The following TBC1D2B variants were observed in gnomAD, a reference collection of about 807,000 sequenced individuals.
TBC1D2B encodes the protein TBC1 domain family member 2B.
In TBC1D2B, 64 loss-of-function variants were observed where a neutral mutation model predicts 100.8. The observed-to-expected ratio is 0.64, with a 90% CI of 0.52 to 0.78. TBC1D2B has a LOEUF of 0.78. TBC1D2B is among the 30% of genes least tolerant of loss of function. The pLI, the probability that TBC1D2B is intolerant of heterozygous loss-of-function variation, is 0.00. For missense variants in TBC1D2B, 1,052 were observed against 1,218.4 expected (o/e 0.86, Z 2.03); for synonymous variants, 480 against 479.7 (o/e 1.00, Z -0.01).
chr15:78,011,898 C>T (rs553703901), intron 9 of TBC1D2B, among the ~76,000 whole-genome samples: 4 of 152,152 alleles, frequency 2.6e-5, no homozygotes, highest in East Asian at 1.9e-4. Context: ...CCGCCTGCCT[C>T]GACCTCCCAA....
chr15:78,058,595 C>T (rs1424018399), intron 1 of TBC1D2B, among the ~76,000 whole-genome samples: 3 of 152,188 alleles, frequency 2.0e-5, no homozygotes, highest in Non-Finnish European at 4.4e-5. Context: ...GAGTTCCCTC[C>T]GCTGAGCCTC....
At chr15:78,013,439 G>A in intron 8 of TBC1D2B, 122 bp from the exon 9 acceptor site, 1 of 939,802 alleles carries the variant, frequency 1.1e-6, no homozygotes. Flanking sequence ...ACTATGAGAA[G>A]CATTTCAAAT....
chr15:78,025,230 G>A, intron 5 of TBC1D2B, 29 bp downstream of exon 5: 1 of 1,597,466 alleles, frequency 6.3e-7, no homozygotes, highest in Non-Finnish European at 8.6e-7. Context: ...CTGAGGTGGG[G>A]TAAGACAGAA....
chr15:78,035,128 C>T lies in TBC1D2B; in HGVS notation c.684-4958G>A, dbSNP rs144342824. Reference sequence around the variant, plus strand: ...CAGGTGCCCACCTATAAACACTCAGCTGCTCTGATCTGAAATAGAAAGTGA... The same window carrying T: ...CAGGTGCCCACCTATAAACACTCAGTTGCTCTGATCTGAAATAGAAAGTGA... On this transcript the variant is annotated intron_variant, in intron 3 of 12. Transcript: ENST00000300584. Among the ~76,000 whole-genome samples, 76 of 152,348 alleles carry T rather than the reference C, an allele frequency of 5.0e-4. 2 individuals carry two copies. The highest frequency in any genetic ancestry group is 3.9e-3 in the Admixed American group (59 of 15,308).
intron 1 of TBC1D2B, among the ~76,000 whole-genome samples, chr15:78,076,956 C>T (rs1316078065): frequency 1.3e-5 from 2 of 152,246 alleles, no homozygotes; most frequent in Non-Finnish European, 2.9e-5. Flanking sequence ...GAAGCCTACG[C>T]TCACGGATGC....
intron 1 of TBC1D2B, among the ~76,000 whole-genome samples, chr15:78,076,579 C>A (rs558943854): frequency 8.1e-6 from 1 of 122,912 alleles, no homozygotes; most frequent in South Asian, 2.8e-4. Context: ...ACCCCCGTTT[C>A]TTTAAAAAAA....
chr15:78,057,321 T>C (rs1035518072), intron 1 of TBC1D2B, among the ~76,000 whole-genome samples: 2 of 151,992 alleles, frequency 1.3e-5, no homozygotes, highest in Non-Finnish European at 2.9e-5. Flanking sequence ...AAGACACTGA[T>C]TAACTGGGTT....
chr15:78,040,855 G>GAAGGAAGA (rs71447186), intron 3 of TBC1D2B, among the ~76,000 whole-genome samples: 137 of 74,722 alleles, frequency 1.8e-3, no homozygotes, highest in African/African-American at 4.3e-3. Context: ...AGAAAGAAAG[G>GAAGGAAGA]AAGAAAGAAA....
Position 78,024,257 on chromosome 15 carries a change from G to A in TBC1D2B, c.1369C>T (p.Leu457Phe), listed in dbSNP as rs1344655320. Reference sequence around the variant, plus strand: ...GGCCCGTTGCCCTCGCCCTCGCTGAGCTTGATGATGACCTCGTCCTTGGCT... The same window carrying A: ...GGCCCGTTGCCCTCGCCCTCGCTGAACTTGATGATGACCTCGTCCTTGGCT... The part of the protein sequence containing the change: ...IQAKDEVIIK[L>F]SEGEGNGPPP... Residue 457 changes from leucine to phenylalanine, a missense_variant, in exon 6 of 13, where the codon CTC becomes TTC. Physicochemically the swap from Leu to Phe is conservative, Grantham distance 22. Transcript: ENST00000300584. The A allele has an allele frequency of 4.3e-6, 7 of 1,614,010 alleles. No homozygotes were observed. Among genetic ancestry groups the A allele is most frequent in the Non-Finnish European group, 5.9e-6 (7 of 1,179,904 alleles).
chr15:77,998,330 C>T lies in TBC1D2B; in HGVS notation c.2722G>A (p.Asp908Asn), dbSNP rs772365105. ...TGGCGTAGGGGGAAAGGGTTCAGGT[C>T]CCCAAAGGAGATACTGATCAGCTTC... ...ARKLISISFG[D>N]LNPFPLRQIR... is the part of the protein sequence containing the mutation. The change falls in exon 13 of 13, where the codon GAC becomes AAC. Residue 908 changes from aspartate to asparagine, a missense_variant. Around this residue, in one of 4 missense-constraint regions of TBC1D2B, gnomAD observed 47 missense variants for 88.3 expected, o/e 0.53. Coordinates refer to ENST00000300584, the MANE Select transcript of TBC1D2B (RefSeq NM_144572.2). 1.3e-4 allele frequency: 202 copies of T among 1,594,320 alleles called. No homozygotes were observed. Among genetic ancestry groups the T allele is most frequent in the Non-Finnish European group, 1.7e-4 (201 of 1,171,072 alleles).
chr15:78,009,638 T>C (rs1022640916), intron 9 of TBC1D2B, among the ~76,000 whole-genome samples: 5 of 152,204 alleles, frequency 3.3e-5, no homozygotes, highest in African/African-American at 1.2e-4. Context: ...ATGAAATTGT[T>C]TCCCAATGAT....
intron 2 of TBC1D2B, among the ~76,000 whole-genome samples, chr15:78,050,564 C>T (rs1014808467): frequency 2.6e-5 from 4 of 152,210 alleles, no homozygotes; most frequent in Non-Finnish European, 5.9e-5. Context: ...CTACCTCATT[C>T]TCAACAGCTA....
intron 1 of TBC1D2B, among the ~76,000 whole-genome samples, chr15:78,065,159 G>T (rs2073631662): frequency 6.6e-6 from 1 of 152,092 alleles, no homozygotes; most frequent in Admixed American, 6.6e-5. Flanking sequence ...TAACACTCAA[G>T]CACCCCTTTT....
chr15:78,001,649 C>A lies in TBC1D2B; in HGVS notation c.2666G>T (p.Arg889Leu), dbSNP rs760521035. The change falls in exon 12 of 13, where the codon CGC becomes CTC. Residue 889 changes from arginine (R) to leucine (L), a missense_variant. This residue lies in a region of TBC1D2B where 373 missense variants were observed against 464.9 expected (regional missense o/e 0.80). Coordinates refer to ENST00000300584, the MANE Select transcript of TBC1D2B (RefSeq NM_144572.2). The stretch of plus-strand genomic sequence containing the variant: ...ATCAAGGATAGTGCGAGTGAAGTAG[C>A]GGAGATACTTAAATATAGACATCGA... The part of the protein sequence containing the change: ...QDSMSIFKYL[R>L]YFTRTILDAR... 6.2e-7 allele frequency: 1 copy of A among 1,608,712 alleles called. No individual in the cohort carries two copies. Among genetic ancestry groups the A allele is most frequent in the Non-Finnish European group, 8.5e-7 (1 of 1,177,510 alleles).
intron 5 of TBC1D2B, 33 bp downstream of exon 5, chr15:78,025,226 T>C (rs1342509305): frequency 2.5e-6 from 4 of 1,584,250 alleles, no homozygotes; most frequent in East Asian, 2.2e-5. Context: ...CCTGCTGAGG[T>C]GGGGTAAGAC....
intron 3 of TBC1D2B, among the ~76,000 whole-genome samples, chr15:78,038,044 C>G (rs538775447): frequency 3.3e-5 from 5 of 152,190 alleles, no homozygotes; most frequent in Admixed American, 6.5e-5. Flanking sequence ...CAGACCCCCC[C>G]ACGAGTATAA....
chr15:78,000,144 C>G (rs1305420799), intron 12 of TBC1D2B, among the ~76,000 whole-genome samples: 2 of 152,236 alleles, frequency 1.3e-5, no homozygotes, highest in Non-Finnish European at 2.9e-5. Context: ...CTTGGCACTC[C>G]TTAAAGCACC....
intron 3 of TBC1D2B, among the ~76,000 whole-genome samples, chr15:78,040,892 G>A (rs200869605): frequency 0.031 from 1,146 of 36,740 alleles, 6 homozygotes; most frequent in African/African-American, 0.053. Flanking sequence ...GAGAGAGAGA[G>A]AGAAAGAAAG....
At chr15:78,027,573 C>T (rs1288023305) in intron 4 of TBC1D2B, among the ~76,000 whole-genome samples, 1 of 152,158 alleles carries the variant, frequency 6.6e-6, no homozygotes, top group African/African-American at 2.4e-5. Context: ...CATAAACTCC[C>T]CTCAAAGGGG....
Sources: allele counts gnomAD v4.1 joint callset (sites outside exome capture counted in the v4.1 genomes callset), GRCh38; gene constraint gnomAD v4.1.1; regional missense constraint gnomAD v4.1.1; transcripts MANE v1.5; gene names NCBI Gene and HGNC (gene_info 2026-07-23, HGNC 2026-07-21).